Variants in PHKA2 observed in about 807,000 individuals in gnomAD.
PHKA2 encodes the protein phosphorylase b kinase regulatory subunit alpha, liver isoform.
In PHKA2, 31 loss-of-function variants were observed where a neutral mutation model predicts 102.0. The observed-to-expected ratio is 0.30, with a 90% CI of 0.23 to 0.41. The LOEUF (loss-of-function observed/expected upper bound fraction) is 0.41. PHKA2 is among the 10% of genes least tolerant of loss of function. PHKA2 has a pLI of 1.00. For synonymous variants in PHKA2, 455 were observed against 416.2 expected (o/e 1.09, Z -1.13); for missense variants, 858 against 1,023.1 (o/e 0.84, Z 2.20).
rs143722795 is a variant in PHKA2, at chrX:18,936,072, C to T, written c.1120G>A (p.Ala374Thr). Residue 374 changes from alanine to threonine, a missense_variant, in exon 11 of 33, where the codon GCT becomes ACT. Transcript: ENST00000379942. ...NGIRLVPELY[A>T]VPPNKVDEEY... ...TGGGTTACCTTGTTAGGCGGGACAG[C>T]GTAGAGTTCAGGCACCAGGCGGATC... The T allele has an allele frequency of 1.7e-6, 2 of 1,202,043 alleles. No homozygotes were observed. Among genetic ancestry groups the T allele is most frequent in the African/African-American group, 3.5e-5 (2 of 56,875 alleles).
At chrX:18,913,091 A>G (rs1483501770) in intron 19 of PHKA2, among the ~76,000 whole-genome samples, 14 of 109,149 alleles carry the variant, frequency 1.3e-4, no homozygotes, top group South Asian at 4.0e-4. Flanking sequence ...AAAAAAAAAA[A>G]AGAGAAATAT....
At chrX:18,964,605 T>C (rs1172660936) in intron 1 of PHKA2, among the ~76,000 whole-genome samples, 2 of 112,501 alleles carry the variant, frequency 1.8e-5, no homozygotes, top group Non-Finnish European at 3.7e-5. Context: ...TTAAATTCAC[T>C]TGTACCAGAA....
Position 18,929,234 on chromosome X carries a change from C to T in PHKA2, c.1318G>A (p.Val440Ile), listed in dbSNP as rs747500428. The change falls in exon 13 of 33, where the codon GTA (valine) becomes ATA (isoleucine). Residue 440 changes from valine to isoleucine, a missense_variant. By Grantham distance (29) the Val-to-Ile change is conservative. This residue lies in a region of PHKA2 where 671 missense variants were observed against 745.2 expected (regional missense o/e 0.90). Transcript: ENST00000379942. Reference protein sequence around the residue: ...FSTSVKPDVVVQVTVLAENNH... With the variant: ...FSTSVKPDVVIQVTVLAENNH... ...AGTAAACACGCTCACAAACCTTGTACTACAACATCAGGTTTGACTGAAGTG... is the reference window on the plus strand; with the variant it reads ...AGTAAACACGCTCACAAACCTTGTATTACAACATCAGGTTTGACTGAAGTG... The T allele has an allele frequency of 1.7e-6, 2 of 1,149,898 alleles. No homozygotes were observed. The highest frequency in any genetic ancestry group is 3.8e-5 in the South Asian group (2 of 52,663). 94.8% of individuals were successfully genotyped at this position (1,149,898 alleles called of 1,213,427 possible).
intron 1 of PHKA2, among the ~76,000 whole-genome samples, chrX:18,981,668 G>A (rs2049172395): frequency 9.0e-6 from 1 of 110,846 alleles, no homozygotes; most frequent in Non-Finnish European, 1.9e-5. Flanking sequence ...CAAGGAATGC[G>A]GAGCTGTAGC....
chrX:18,939,152 TTTTA>T (rs1169347150), intron 9 of PHKA2, among the ~76,000 whole-genome samples: 1 of 111,423 alleles, frequency 9.0e-6, no homozygotes, highest in Admixed American at 9.5e-5. Flanking sequence ...TACAAGCTGG[TTTTA>T]TTTATTTTTA....
intron 1 of PHKA2, among the ~76,000 whole-genome samples, chrX:18,974,422 G>A (rs1316432554): frequency 8.9e-6 from 1 of 111,784 alleles, no homozygotes; most frequent in African/African-American, 3.3e-5. Context: ...TCAACTCTTA[G>A]TCCTGATGCT....
intron 17 of PHKA2, among the ~76,000 whole-genome samples, chrX:18,922,421 G>A (rs1334526649): frequency 9.0e-6 from 1 of 111,372 alleles, no homozygotes; most frequent in African/African-American, 3.3e-5. Context: ...GCAAAACACT[G>A]GGGACAGTCT....
At chrX:18,913,680 G>C (rs2047969157) in intron 19 of PHKA2, among the ~76,000 whole-genome samples, 1 of 112,299 alleles carries the variant, frequency 8.9e-6, no homozygotes, top group Admixed American at 9.4e-5. Context: ...ACAGGCATGA[G>C]CCACCACAGC....
At chrX:18,918,191 G>A (rs2048052586) in intron 19 of PHKA2, among the ~76,000 whole-genome samples, 1 of 111,921 alleles carries the variant, frequency 8.9e-6, no homozygotes, top group Admixed American at 9.5e-5. Context: ...GAGGCCACTG[G>A]AAGATGTAGA....
At chrX:18,908,990 A>G (rs2047875607) in intron 20 of PHKA2, 56 bp from the exon 21 acceptor site, 18 of 1,200,196 alleles carry the variant, frequency 1.5e-5, no homozygotes, top group Non-Finnish European at 2.0e-5. Flanking sequence ...AACTTTCGGA[A>G]GATCAAGAAG....
chrX:18,946,456 G>A (rs146330132), intron 5 of PHKA2, among the ~76,000 whole-genome samples: 59 of 111,287 alleles, frequency 5.3e-4, no homozygotes, highest in Non-Finnish European at 1.0e-3. Flanking sequence ...GACAAGTGGT[G>A]TATTTCCTAG....
At chrX:18,964,529 C>T (rs1284747576) in intron 1 of PHKA2, among the ~76,000 whole-genome samples, 1 of 112,353 alleles carries the variant, frequency 8.9e-6, no homozygotes, top group Non-Finnish European at 1.9e-5. Flanking sequence ...TTCTTACCAC[C>T]ACTCTCCATT....
chrX:18,984,073 G>A lies in PHKA2; in HGVS notation c.-141C>T. 1 of 520,342 alleles carries A rather than the reference G, an allele frequency of 1.9e-6. No individual in the cohort carries two copies. Among genetic ancestry groups the A allele is most frequent in the Non-Finnish European group, 3.4e-6 (1 of 293,329 alleles). 42.9% of individuals were successfully genotyped at this position (520,342 alleles called of 1,213,427 possible). The stretch of plus-strand genomic sequence containing the variant: ...GGATGGGACCGGGCCGGAGGAGGTC[G>A]AGACTTTTCTAAACGCTAGCCCCAA... On this transcript the variant is annotated 5_prime_UTR_variant, in exon 1 of 33. Transcript: ENST00000379942.
At chrX:18,946,524 T>G (rs1052865278) in intron 5 of PHKA2, among the ~76,000 whole-genome samples, 2 of 111,512 alleles carry the variant, frequency 1.8e-5, no homozygotes, top group Admixed American at 9.5e-5. Flanking sequence ...TTTGGCCTCC[T>G]TAGACACACC....
chrX:18,944,928 G>T, intron 6 of PHKA2, 150 bp downstream of exon 6: 2 of 517,213 alleles, frequency 3.9e-6, no homozygotes, highest in Admixed American at 2.6e-5. Context: ...ATTTCAGGTG[G>T]CTGGGGTAAC....
chrX:18,922,901 T>G (rs1157466511), intron 17 of PHKA2, among the ~76,000 whole-genome samples: 3 of 110,315 alleles, frequency 2.7e-5, no homozygotes, highest in African/African-American at 9.9e-5. Context: ...GTGGTAGGAG[T>G]GTCCCTGGGG....
rs1198258472 is a variant in PHKA2, at chrX:18,924,154, A to G, written c.1715-20T>C. ...CATTTGCTAAGGAAAAAAAGTGATG[A>G]ATTAGTTTAGTCTGGGCAGACTTTT... On this transcript the variant is annotated intron_variant, in intron 16 of 32. Transcript: ENST00000379942. The G allele has an allele frequency of 8.7e-7, 1 of 1,144,496 alleles. No individual in the cohort carries two copies. Among genetic ancestry groups the G allele is most frequent in the Admixed American group, 2.2e-5 (1 of 46,019 alleles). 94.3% of individuals were successfully genotyped at this position (1,144,496 alleles called of 1,213,427 possible). A position where few individuals can be genotyped will look rare whatever the true frequency, so the allele number is the denominator to read the frequency against.
intron 26 of PHKA2, among the ~76,000 whole-genome samples, chrX:18,905,251 G>A (rs1016683551): frequency 1.1e-4 from 12 of 112,466 alleles, no homozygotes; most frequent in Middle Eastern, 4.7e-3. Context: ...TCAGCTCACT[G>A]TAACCTCCAC....
intron 1 of PHKA2, among the ~76,000 whole-genome samples, chrX:18,959,563 G>T (rs1366437683): frequency 9.0e-6 from 1 of 111,622 alleles, no homozygotes; most frequent in Non-Finnish European, 1.9e-5. Context: ...CCCAGGTCTT[G>T]CCTTTCCCCT....
Sources: allele counts gnomAD v4.1 joint callset (sites outside exome capture counted in the v4.1 genomes callset), GRCh38; gene constraint gnomAD v4.1.1; regional missense constraint gnomAD v4.1.1; transcripts MANE v1.5; gene names NCBI Gene and HGNC (gene_info 2026-07-23, HGNC 2026-07-21).